The following PUS7 variants were observed in gnomAD, a reference collection of about 807,000 sequenced individuals.
The protein encoded by PUS7 is pseudouridylate synthase 7 homolog.
Under a neutral mutation model 79.8 loss-of-function variants are expected in PUS7, and 48 were observed. That is an observed-to-expected ratio of 0.60 (90% CI 0.48 to 0.76). The LOEUF is 0.76. PUS7 is among the 30% of genes least tolerant of loss of function. PUS7 has a pLI of 0.00. For synonymous variants in PUS7, 286 were observed against 272.2 expected, an observed-to-expected ratio of 1.05 and a Z score of -0.50; for missense variants, 729 against 797.6, an observed-to-expected ratio of 0.91 and a Z score of 1.04.
At chr7:105,501,904 G>A (rs551757562) in intron 5 of PUS7, among the ~76,000 whole-genome samples, 5 of 149,902 alleles carry the variant, frequency 3.3e-5, no homozygotes, top group African/African-American at 7.4e-5. Flanking sequence ...GCAGTGAGCC[G>A]AGATCGTGCC....
chr7:105,499,441 C>CT (rs932304170), intron 5 of PUS7, among the ~76,000 whole-genome samples: 63 of 152,034 alleles, frequency 4.1e-4, no homozygotes, highest in African/African-American at 1.4e-3. Flanking sequence ...GCAGAATTTT[C>CT]TTTTTTTTAC....
intron 1 of PUS7, among the ~76,000 whole-genome samples, chr7:105,517,759 T>A (rs535440689): frequency 6.6e-5 from 10 of 151,940 alleles, no homozygotes; most frequent in South Asian, 6.2e-4. Flanking sequence ...GGAGACTTCA[T>A]CTCTGAAAAA....
At chr7:105,502,856 A>G (rs1001329038) in intron 4 of PUS7, among the ~76,000 whole-genome samples, 2 of 151,986 alleles carry the variant, frequency 1.3e-5, no homozygotes, top group Non-Finnish European at 1.5e-5. Context: ...CACAACACCA[A>G]GCCTGGCTAG....
At chr7:105,476,272 A>G (rs1014699312) in intron 9 of PUS7, among the ~76,000 whole-genome samples, 8 of 152,104 alleles carry the variant, frequency 5.3e-5, no homozygotes, top group African/African-American at 1.9e-4. Context: ...TATTATGAAC[A>G]TGAGTGTACA....
At chr7:105,505,554 G>T (rs1234482860) in intron 4 of PUS7, among the ~76,000 whole-genome samples, 1 of 152,112 alleles carries the variant, frequency 6.6e-6, no homozygotes, top group Non-Finnish European at 1.5e-5. Flanking sequence ...GGTACTCTGG[G>T]ATTCTAAACA....
intron 8 of PUS7, among the ~76,000 whole-genome samples, chr7:105,481,769 C>T (rs1405457723): frequency 6.7e-6 from 1 of 150,268 alleles, no homozygotes; most frequent in African/African-American, 2.5e-5. Flanking sequence ...CTCACTCTGT[C>T]CCCTAGGCTG....
At chr7:105,521,535 C>T (rs1826112000) in intron 1 of PUS7, among the ~76,000 whole-genome samples, 1 of 152,206 alleles carries the variant, frequency 6.6e-6, no homozygotes, top group Admixed American at 6.5e-5. Context: ...TCCCCAGAGC[C>T]CGCGTGGCGC....
intron 9 of PUS7, among the ~76,000 whole-genome samples, chr7:105,475,224 C>A (rs950317038): frequency 2.0e-5 from 3 of 151,994 alleles, no homozygotes; most frequent in Non-Finnish European, 4.4e-5. Context: ...CTCGCTCTGT[C>A]ACCCAGGCTA....
rs759627019 is a variant in PUS7, at chr7:105,506,052, G to A, written c.488C>T (p.Pro163Leu). The change falls in exon 4 of 16, where the codon CCT becomes CTT. Residue 163 changes from proline to leucine, a missense_variant. Physicochemically the swap from Pro to Leu is moderately conservative, Grantham distance 98 (BLOSUM62 -3). Transcript: ENST00000469408. ...CAAAACTGTAAATATGTCTTCTGAA[G>A]GGTCCTTTAAAATAACCATGAGAAC... ...DLSIPVDEED[P>L]SEDIFTVLTA... 2 of 1,612,740 alleles carry A rather than the reference G, an allele frequency of 1.2e-6. No homozygotes were observed. The highest frequency in any genetic ancestry group is 2.2e-5 in the East Asian group (1 of 44,846).
Position 105,495,213 on chromosome 7 carries a change from G to A in PUS7, c.771C>T (p.Tyr257=). The change falls in exon 6 of 16, where the codon TAC becomes TAT. Residue 257 remains tyrosine, a synonymous_variant. Transcript: ENST00000469408. ...KHSWPKSRGS[Y]CHFVLYKENK... Reference sequence around the variant, plus strand: ...TTTCCTTATATAGTACGAAGTGGCAGTAACTTCCCCTAGATTTTGGCCAAG... The same window carrying A: ...TTTCCTTATATAGTACGAAGTGGCAATAACTTCCCCTAGATTTTGGCCAAG... The A allele has an allele frequency of 6.2e-7, 1 of 1,612,740 alleles. No homozygotes were observed. The highest frequency in any genetic ancestry group is 8.5e-7 in the Non-Finnish European group (1 of 1,179,188).
chr7:105,517,181 G>T (rs62486982), intron 1 of PUS7, among the ~76,000 whole-genome samples: 11,584 of 117,754 alleles, frequency 0.098, 494 homozygotes, highest in Admixed American at 0.13. Flanking sequence ...TTTGGCGATG[G>T]AGTCTTACCC....
At chr7:105,465,563 T>G in intron 12 of PUS7, 149 bp from the exon 13 acceptor site, 1 of 592,542 alleles carries the variant, frequency 1.7e-6, no homozygotes, top group Non-Finnish European at 2.8e-6. Flanking sequence ...CCAGGTGCGG[T>G]GGCTCACACC....
chr7:105,490,697 C>T (rs916946967), intron 7 of PUS7, among the ~76,000 whole-genome samples: 1 of 152,186 alleles, frequency 6.6e-6, no homozygotes, highest in Non-Finnish European at 1.5e-5. Context: ...ACCAAATATG[C>T]TTTCCAACGT....
intron 7 of PUS7, among the ~76,000 whole-genome samples, chr7:105,490,974 T>A (rs1824757550): frequency 6.6e-6 from 1 of 152,194 alleles, no homozygotes; most frequent in African/African-American, 2.4e-5. Flanking sequence ...CAAAGAATTA[T>A]CCAGCCCCGA....
chr7:105,464,526 C>T (rs75586199), intron 13 of PUS7, among the ~76,000 whole-genome samples: 1,645 of 152,274 alleles, frequency 0.011, 28 homozygotes, highest in African/African-American at 0.037. Context: ...TGAATTCTCT[C>T]CCTCTCCTTC....
chr7:105,522,003 A>G (rs888626959), intron 1 of PUS7, 49 bp downstream of exon 1: 1 of 152,226 alleles, frequency 6.6e-6, no homozygotes, highest in East Asian at 1.9e-4. Flanking sequence ...GGCTGGGGCC[A>G]GGGCCAGGCC....
intron 4 of PUS7, 37 bp downstream of exon 4, chr7:105,505,918 C>T (rs766648144): frequency 1.1e-5 from 17 of 1,520,884 alleles, no homozygotes; most frequent in Non-Finnish European, 1.4e-5. Context: ...GCAACTAAAA[C>T]CCTAAATAAT....
At chr7:105,473,632 T>C (rs1460268624) in intron 9 of PUS7, among the ~76,000 whole-genome samples, 1 of 152,036 alleles carries the variant, frequency 6.6e-6, no homozygotes, top group African/African-American at 2.4e-5. Context: ...TTGGCCAGAC[T>C]GGTCTTGAAT....
chr7:105,479,432 A>G (rs192766155), intron 9 of PUS7, among the ~76,000 whole-genome samples: 2 of 152,286 alleles, frequency 1.3e-5, no homozygotes, highest in Admixed American at 1.3e-4. Context: ...GTTTGCTAAC[A>G]TGAAGGGTCT....
Sources: gnomAD v4.1 joint callset for allele counts (sites outside exome capture counted in the v4.1 genomes callset) on GRCh38, gnomAD v4.1.1 for gene constraint, MANE v1.5 for transcripts, NCBI Gene and HGNC (gene_info 2026-07-23, HGNC 2026-07-21) for gene names.